Variants in ALMS1 observed in about 807,000 individuals in gnomAD.
The protein encoded by ALMS1 is ALMS1 centrosome and basal body associated protein.
In ALMS1, 271 loss-of-function variants were observed where a neutral mutation model predicts 352.2. The ratio of observed to expected loss-of-function variants is 0.77; its 90% CI spans 0.70 to 0.85. The LOEUF (loss-of-function observed/expected upper bound fraction) is 0.85. Ranked by LOEUF, ALMS1 falls within the 40% of genes least tolerant of loss-of-function variation. The pLI, the probability that ALMS1 is intolerant of heterozygous loss-of-function variation, is 0.00. For missense variants in ALMS1, 5,445 were observed against 4,870.7 expected (o/e 1.12, Z -3.51); for synonymous variants, 1,865 against 1,761.2 (o/e 1.06, Z -1.48).
intron 6 of ALMS1, among the ~76,000 whole-genome samples, chr2:73,426,988 G>T (rs1367541491): frequency 6.6e-6 from 1 of 152,164 alleles, no homozygotes; most frequent in African/African-American, 2.4e-5. Flanking sequence ...TGGTATAAAA[G>T]AAATGTTTAT....
At chr2:73,446,566 A>T (rs1671813893) in intron 7 of ALMS1, among the ~76,000 whole-genome samples, 1 of 152,070 alleles carries the variant, frequency 6.6e-6, no homozygotes, top group Non-Finnish European at 1.5e-5. Flanking sequence ...CTAGTTCTTT[A>T]CTTTGAAATT....
chr2:73,461,089 A>G (rs1672188705), intron 9 of ALMS1, among the ~76,000 whole-genome samples: 1 of 152,214 alleles, frequency 6.6e-6, no homozygotes, highest in South Asian at 2.1e-4. Context: ...TGAAGAGAGT[A>G]GTGGTTCTCC....
At chr2:73,549,906 C>G (rs565320257) in intron 12 of ALMS1, among the ~76,000 whole-genome samples, 2 of 152,190 alleles carry the variant, frequency 1.3e-5, no homozygotes, top group Non-Finnish European at 2.9e-5. Flanking sequence ...GCCACTCAAG[C>G]TGCAGTGCGG....
At chr2:73,544,480 C>G (rs146237354) in intron 12 of ALMS1, among the ~76,000 whole-genome samples, 1 of 151,866 alleles carries the variant, frequency 6.6e-6, no homozygotes, top group Non-Finnish European at 1.5e-5. Flanking sequence ...CAAACCTGCA[C>G]GTTGTCACAT....
chr2:73,546,911 T>C (rs1674334588), intron 12 of ALMS1, among the ~76,000 whole-genome samples: 1 of 152,132 alleles, frequency 6.6e-6, no homozygotes, highest in African/African-American at 2.4e-5. Flanking sequence ...GCACTGGGCA[T>C]GGGAGAGAGT....
chr2:73,452,973 A>T lies in ALMS1; in HGVS notation c.6446A>T (p.Asp2149Val). ...TCCTTTTCACATCGAGAGAAACCAG[A>T]TATTTTCTATCAAAAGGATTTGCCA... ...PSSFSHREKP[D>V]IFYQKDLPDR... The change falls in exon 8 of 23, where the codon GAT becomes GTT. Residue 2149 changes from aspartate (D) to valine (V), a missense_variant. Coordinates refer to ENST00000613296, the MANE Select transcript of ALMS1 (RefSeq NM_001378454.1). The T allele has an allele frequency of 6.2e-7, 1 of 1,612,430 alleles. No homozygotes were observed. The highest frequency in any genetic ancestry group is 1.1e-5 in the South Asian group (1 of 90,972).
chr2:73,584,328 GATC>G (rs1479804046), intron 16 of ALMS1, among the ~76,000 whole-genome samples: 1 of 152,124 alleles, frequency 6.6e-6, no homozygotes, highest in Non-Finnish European at 1.5e-5. Context: ...CATTTTATAA[GATC>G]ATGAGTTATT....
intron 9 of ALMS1, among the ~76,000 whole-genome samples, chr2:73,468,384 A>G (rs567171776): frequency 4.2e-4 from 64 of 152,166 alleles, no homozygotes; most frequent in African/African-American, 1.5e-3. Context: ...TTATCATGGT[A>G]AAATACACAA....
In ALMS1 at chr2:73,449,451, C is replaced by CTAGA; in HGVS notation, c.2925_2928dup (p.Glu977Ter). ...CAAGAGTTGCCAGACAGTGATCTAC[C>CTAGA]TAGAGAATCTCTGAAAATGTCTGCT... On this transcript the variant is annotated frameshift_variant, in exon 8 of 23. Transcript: ENST00000613296. LOFTEE classifies it high-confidence loss of function. 1 of 1,614,046 alleles carries CTAGA rather than the reference C, an allele frequency of 6.2e-7. No individual in the cohort carries two copies. The highest frequency in any genetic ancestry group is 8.5e-7 in the Non-Finnish European group (1 of 1,179,980).
chr2:73,537,098 G>C (rs767526574), intron 12 of ALMS1, among the ~76,000 whole-genome samples: 13 of 152,190 alleles, frequency 8.5e-5, no homozygotes, highest in Non-Finnish European at 1.3e-4. Flanking sequence ...TACTTGACCT[G>C]ACTGGGAGCC....
chr2:73,451,287 A>C lies in ALMS1; in HGVS notation c.4760A>C (p.Asp1587Ala), dbSNP rs1671932312. 6.2e-7 allele frequency: 1 copy of C among 1,613,908 alleles called. No individual in the cohort carries two copies. The highest frequency in any genetic ancestry group is 8.5e-7 in the Non-Finnish European group (1 of 1,179,970). The change falls in exon 8 of 23, where the codon GAT becomes GCT. Residue 1587 changes from aspartate to alanine, a missense_variant. Coordinates refer to ENST00000613296, the MANE Select transcript of ALMS1 (RefSeq NM_001378454.1). Reference protein sequence around the residue: ...PIVNYKQAFPDGHLPEEALKV... With the variant: ...PIVNYKQAFPAGHLPEEALKV... ...GTTAACTACAAACAGGCCTTTCCAG[A>C]TGGTCATCTACCTGAAGAGGCTCTG...
At position 73,451,254 on chromosome 2, in the gene ALMS1, A is replaced by G; in HGVS notation, c.4727A>G (p.Lys1576Arg). Residue 1576 changes from lysine (K) to arginine (R), a missense_variant, in exon 8 of 23, where the codon AAG becomes AGG. Lys to Arg is a conservative substitution (Grantham distance 26). Transcript: ENST00000613296. ...TCTACTTCCTACTCATTTGGAGAGA[A>G]GCCGATTGTTAACTACAAACAGGCC... ...ITSTSYSFGEKPIVNYKQAFP... is the reference protein window; with the variant it reads ...ITSTSYSFGERPIVNYKQAFP... 6.2e-7 allele frequency: 1 copy of G among 1,613,870 alleles called. No homozygotes were observed. Among genetic ancestry groups the G allele is most frequent in the Non-Finnish European group, 8.5e-7 (1 of 1,179,928 alleles).
chr2:73,504,266 TCA>T (rs1673274825), intron 10 of ALMS1, among the ~76,000 whole-genome samples: 1 of 152,196 alleles, frequency 6.6e-6, no homozygotes, highest in African/African-American at 2.4e-5. Context: ...TTGCATGCAC[TCA>T]GTTATTCTAA....
Position 73,419,208 on chromosome 2 carries a change from C to G in ALMS1, c.536C>G (p.Thr179Arg). Reference protein sequence around the residue: ...DTSQTRFNVRTEDTEVTDFPS... With the variant: ...DTSQTRFNVRREDTEVTDFPS... ...TCCCAGACTAGGTTTAATGTGAGAA[C>G]GGAAGATACTGAAGTGACAGACTTC... The change falls in exon 3 of 23, where the codon ACG (threonine) becomes AGG (arginine). Residue 179 changes from threonine to arginine, a missense_variant. By Grantham distance (71) the Thr-to-Arg change is moderately conservative. Transcript: ENST00000613296. 6.2e-7 allele frequency: 1 copy of G among 1,613,858 alleles called. No individual in the cohort carries two copies. The highest frequency in any genetic ancestry group is 8.5e-7 in the Non-Finnish European group (1 of 1,179,810).
chr2:73,419,045 G>T, intron 2 of ALMS1, 78 bp from the exon 3 acceptor site: 1 of 1,197,702 alleles, frequency 8.3e-7, no homozygotes, highest in East Asian at 2.4e-5. Flanking sequence ...ATACATGAGT[G>T]GACATTTTCA....
intron 7 of ALMS1, among the ~76,000 whole-genome samples, chr2:73,435,085 A>G (rs1226725167): frequency 6.6e-6 from 1 of 152,190 alleles, no homozygotes; most frequent in African/African-American, 2.4e-5. Flanking sequence ...TGCTGTTTGT[A>G]TGGTTTATCT....
Position 73,452,891 on chromosome 2 carries a change from T to G in ALMS1, c.6364T>G (p.Ser2122Ala). The part of the protein sequence containing the change: ...SHVTEDVLKV[S>A]TIPGPAGQKT... ...TGTAACTGAAGATGTGCTGAAGGTTTCAACAATTCCTGGACCAGCTGGCCA... is the reference window on the plus strand; with the variant it reads ...TGTAACTGAAGATGTGCTGAAGGTTGCAACAATTCCTGGACCAGCTGGCCA... The change falls in exon 8 of 23, where the codon TCA becomes GCA. Residue 2122 changes from serine (S) to alanine (A), a missense_variant. By Grantham distance (99) the Ser-to-Ala change is moderately conservative (BLOSUM62 1). Transcript: ENST00000613296. 1.2e-6 allele frequency: 2 copies of G among 1,613,908 alleles called. No individual in the cohort carries two copies. The highest frequency in any genetic ancestry group is 1.7e-6 in the Non-Finnish European group (2 of 1,179,968).
At chr2:73,493,136 A>G (rs532366644) in intron 10 of ALMS1, among the ~76,000 whole-genome samples, 3 of 152,102 alleles carry the variant, frequency 2.0e-5, no homozygotes, top group Non-Finnish European at 4.4e-5. Context: ...ACTAACAATA[A>G]TGCCATTTGT....
At chr2:73,432,099 T>G (rs1671510732) in intron 6 of ALMS1, 99 bp from the exon 7 acceptor site, 1 of 894,466 alleles carries the variant, frequency 1.1e-6, no homozygotes, top group African/African-American at 1.7e-5. Context: ...GGTTTGAAAT[T>G]AATATCTTAT....
Sources: allele counts gnomAD v4.1 joint callset (sites outside exome capture counted in the v4.1 genomes callset), GRCh38; gene constraint gnomAD v4.1.1; transcripts MANE v1.5; gene names NCBI Gene and HGNC (gene_info 2026-07-23, HGNC 2026-07-21).